ADGRD1: variants seen among roughly 807,000 people sequenced by gnomAD.
ADGRD1 encodes the protein G-protein coupled receptor 133.
ADGRD1 carries 77 observed loss-of-function variants against 113.4 expected under a neutral mutation model. The ratio of observed to expected loss-of-function variants is 0.68; its 90% CI spans 0.57 to 0.82. ADGRD1 has a LOEUF of 0.82. ADGRD1 is among the 40% of genes least tolerant of loss of function. The pLI is 0.00. For missense variants in ADGRD1, 1,036 were observed against 1,139.1 expected, an observed-to-expected ratio of 0.91 and a Z score of 1.30; for synonymous variants, 474 against 475.0, an observed-to-expected ratio of 1.00 and a Z score of 0.03.
chr12:131,126,359 C>CCT (rs993803382), intron 20 of ADGRD1, among the ~76,000 whole-genome samples: 6 of 152,138 alleles, frequency 3.9e-5, no homozygotes, highest in African/African-American at 1.4e-4. Context: ...CAGATGCAGG[C>CCT]CCCTCAACTT....
chr12:131,134,803 C>G (rs1358322390), intron 21 of ADGRD1, among the ~76,000 whole-genome samples: 1 of 152,236 alleles, frequency 6.6e-6, no homozygotes, highest in African/African-American at 2.4e-5. Flanking sequence ...ATCATTCATT[C>G]ATTCATTCAT....
Position 131,137,003 on chromosome 12 carries a change from C to T in ADGRD1, c.2425C>T (p.Leu809=). Residue 809 remains leucine, a synonymous_variant, in exon 23 of 25, where the codon CTG becomes TTG. Coordinates refer to ENST00000261654, the MANE Select transcript of ADGRD1 (RefSeq NM_198827.5). ...GLFIFLFHCL[L]NSEVRAAFKH... Reference sequence around the variant, plus strand: ...GTTCATATTCCTCTTTCATTGTCTCCTGAATTCAGAGGTACGTCCGCTCTG... The same window carrying T: ...GTTCATATTCCTCTTTCATTGTCTCTTGAATTCAGAGGTACGTCCGCTCTG... 6.2e-7 allele frequency: 1 copy of T among 1,612,798 alleles called. No individual in the cohort carries two copies. Among genetic ancestry groups the T allele is most frequent in the Non-Finnish European group, 8.5e-7 (1 of 1,178,788 alleles).
intron 13 of ADGRD1, among the ~76,000 whole-genome samples, chr12:131,066,754 TGGG>T (rs1884751381): frequency 1.3e-5 from 2 of 150,196 alleles, no homozygotes; most frequent in African/African-American, 4.9e-5. Context: ...GCCACGTGGA[TGGG>T]GGGATCGTGG....
chr12:130,985,428 A>G (rs1466555292), intron 5 of ADGRD1, among the ~76,000 whole-genome samples: 1 of 152,198 alleles, frequency 6.6e-6, no homozygotes, highest in Non-Finnish European at 1.5e-5. Flanking sequence ...CTAATAAGTC[A>G]TCACTAAACC....
At chr12:130,995,946 C>G (rs1460202706) in intron 8 of ADGRD1, among the ~76,000 whole-genome samples, 1 of 151,848 alleles carries the variant, frequency 6.6e-6, no homozygotes, top group African/African-American at 2.4e-5. Flanking sequence ...GTTTGTGTCC[C>G]TGATTACTTG....
Position 131,000,842 on chromosome 12 carries a change from A to G in ADGRD1, c.1026+400A>G, listed in dbSNP as rs185285179. On this transcript the variant is annotated intron_variant, in intron 9 of 24. Transcript: ENST00000261654. ...ACCATTTTGTCTTCCTAGAAGTGGCATAATATGGCCCAGTCACATCCACAA... is the reference window on the plus strand; with the variant it reads ...ACCATTTTGTCTTCCTAGAAGTGGCGTAATATGGCCCAGTCACATCCACAA... Among the ~76,000 whole-genome samples the G allele has an allele frequency of 3.5e-4, 53 of 152,242 alleles. 1 individual carries two copies. The highest frequency in any genetic ancestry group is 5.6e-4 in the Non-Finnish European group (38 of 68,006).
intron 14 of ADGRD1, among the ~76,000 whole-genome samples, chr12:131,082,053 G>A (rs552984602): frequency 3.3e-5 from 5 of 151,924 alleles, no homozygotes; most frequent in South Asian, 2.1e-4. Context: ...TAATAACCAC[G>A]GTGGGAGGGT....
chr12:131,077,778 C>T (rs1885753555), intron 14 of ADGRD1, among the ~76,000 whole-genome samples: 1 of 152,136 alleles, frequency 6.6e-6, no homozygotes, highest in African/African-American at 2.4e-5. Context: ...CACTCTGTCA[C>T]CCAGGCTGGA....
In ADGRD1 at chr12:130,962,139, T is replaced by G. The variant is rs1435072384; in HGVS notation, c.104-4324T>G. On this transcript the variant is annotated intron_variant, in intron 2 of 24. Coordinates refer to ENST00000261654, the MANE Select transcript of ADGRD1 (RefSeq NM_198827.5). ...GCCGTCCCCTGCGGGTGTCACAGCT[T>G]GCAGCCCCTTCATTGCTTGTTTCCA... 4 of 152,328 alleles carry G rather than the reference T, an allele frequency of 2.6e-5. No individual in the cohort carries two copies. The South Asian group carries it at 8.3e-4, about 32-fold the overall frequency. The allele number at this position is 152,328 out of a possible 1,614,324, so 9.4% of individuals were successfully genotyped here.
At chr12:131,083,671 A>G (rs1170784790) in intron 14 of ADGRD1, among the ~76,000 whole-genome samples, 1 of 152,206 alleles carries the variant, frequency 6.6e-6, no homozygotes, top group Admixed American at 6.5e-5. Context: ...ATATTCACCA[A>G]TATTCACACC....
chr12:131,005,885 C>T (rs749497518), intron 11 of ADGRD1, 87 bp from the exon 12 acceptor site: 68 of 1,001,032 alleles, frequency 6.8e-5, no homozygotes, highest in Non-Finnish European at 7.7e-5. Flanking sequence ...AGGGGCAGCA[C>T]CATGCATGGC....
At chr12:130,996,599 G>T in intron 8 of ADGRD1, among the ~76,000 whole-genome samples, 1 of 123,322 alleles carries the variant, frequency 8.1e-6, no homozygotes, top group Admixed American at 7.6e-5. Flanking sequence ...TTCCCAGTAG[G>T]GGCGGCCGGG....
At chr12:131,112,242 G>C (rs1950361954) in intron 18 of ADGRD1, among the ~76,000 whole-genome samples, 1 of 152,110 alleles carries the variant, frequency 6.6e-6, no homozygotes, top group Admixed American at 6.5e-5. Flanking sequence ...TTTTAGCAGG[G>C]CTCTCTCTGT....
At position 131,004,301 on chromosome 12, in the gene ADGRD1, G is replaced by C; in HGVS notation, c.1255+5G>C. 1.3e-6 allele frequency: 2 copies of C among 1,593,376 alleles called. No individual in the cohort carries two copies. On this transcript the variant is annotated splice_donor_5th_base_variant and intron_variant, in intron 11 of 24. Coordinates refer to ENST00000261654, the MANE Select transcript of ADGRD1 (RefSeq NM_198827.5). ...ACGAGGCCTTCCACAGGCACGGTGA[G>C]TGTGGCTGCGCTGGACTCCCTTCCG...
At chr12:131,040,072 G>C (rs982920525) in intron 13 of ADGRD1, among the ~76,000 whole-genome samples, 2 of 152,148 alleles carry the variant, frequency 1.3e-5, no homozygotes, top group Non-Finnish European at 2.9e-5. Flanking sequence ...TGACCTTCCC[G>C]GCCCCTGTAG....
At chr12:131,047,713 G>A (rs1882983412) in intron 13 of ADGRD1, among the ~76,000 whole-genome samples, 1 of 152,228 alleles carries the variant, frequency 6.6e-6, no homozygotes, top group Non-Finnish European at 1.5e-5. Flanking sequence ...GGCTCTGGGG[G>A]TTGGGTGAAG....
intron 18 of ADGRD1, among the ~76,000 whole-genome samples, chr12:131,110,932 T>C (rs1261262659): frequency 6.6e-6 from 1 of 152,224 alleles, no homozygotes; most frequent in Non-Finnish European, 1.5e-5. Flanking sequence ...TTATGTCATC[T>C]CACTGCCTTC....
In ADGRD1 at chr12:131,022,612, C is replaced by G. The variant is rs954183557; in HGVS notation, c.1473+8272C>G. Among the ~76,000 whole-genome samples the G allele has an allele frequency of 1.3e-4, 20 of 152,178 alleles. No individual in the cohort carries two copies. Among genetic ancestry groups the G allele is most frequent in the African/African-American group, 4.6e-4 (19 of 41,426 alleles). ...CTCCCGTTGTCGCGGCCGTGACCGT[C>G]GGGAGCTCTGTCCAGTTGGTTTCTG... On this transcript the variant is annotated intron_variant, in intron 13 of 24. Transcript: ENST00000261654. This position sits in a 1 kb window ranked among gnomAD's most constrained non-coding sequence, Gnocchi z 4.6.
chr12:131,009,048 G>A (rs1362200050), intron 12 of ADGRD1, among the ~76,000 whole-genome samples: 1 of 152,230 alleles, frequency 6.6e-6, no homozygotes, highest in South Asian at 2.1e-4. Context: ...TGCGGGGCGG[G>A]GGACCTCACC....
Sources: allele counts gnomAD v4.1 joint callset (sites outside exome capture counted in the v4.1 genomes callset), GRCh38; gene constraint gnomAD v4.1.1; non-coding constraint Gnocchi (gnomAD v3.1); transcripts MANE v1.5; gene names NCBI Gene and HGNC (gene_info 2026-07-23, HGNC 2026-07-21).